The following EYS variants were observed in gnomAD, a reference collection of about 807,000 sequenced individuals.
The protein encoded by EYS is protein eyes shut homolog.
In EYS, 250 loss-of-function variants were observed where a neutral mutation model predicts 282.1. The ratio of observed to expected loss-of-function variants is 0.89; its 90% confidence interval spans 0.80 to 0.98. The LOEUF (loss-of-function observed/expected upper bound fraction) is 0.98. Among genes scored for constraint, EYS ranks in the 50% least tolerant of loss-of-function variants. The probability of loss-of-function intolerance (pLI) is 0.00; values close to 1 mark genes in which losing one functional copy is unlikely to be tolerated. For synonymous variants in EYS, 1,355 were observed against 1,282.9 expected, an observed-to-expected ratio of 1.06 and a Z score of -1.20; for missense variants, 4,016 against 3,709.0, an observed-to-expected ratio of 1.08 and a Z score of -2.15.
chr6:65,520,821 C>T (rs1462944272), intron 2 of EYS, among the ~76,000 whole-genome samples: 1 of 152,076 alleles, frequency 6.6e-6, no homozygotes, highest in Admixed American at 6.6e-5. Flanking sequence ...TTATTAACAA[C>T]ATAAATCATG....
chr6:65,244,157 C>A (rs749634839), intron 12 of EYS, among the ~76,000 whole-genome samples: 1 of 152,006 alleles, frequency 6.6e-6, no homozygotes, highest in Non-Finnish European at 1.5e-5. Flanking sequence ...TTGTTTTTGT[C>A]TTTTTAAGGA....
At chr6:65,421,237 A>G (rs1308743491) in intron 5 of EYS, among the ~76,000 whole-genome samples, 1 of 151,830 alleles carries the variant, frequency 6.6e-6, no homozygotes, top group Non-Finnish European at 1.5e-5. Flanking sequence ...ACCTTCATCA[A>G]TAATCTTAGC....
intron 2 of EYS, among the ~76,000 whole-genome samples, chr6:65,538,304 G>A (rs765509613): frequency 2.5e-4 from 38 of 152,036 alleles, no homozygotes; most frequent in Non-Finnish European, 4.6e-4. Context: ...TTGATTGTTG[G>A]ACAGTTCCAA....
intron 26 of EYS, among the ~76,000 whole-genome samples, chr6:64,447,736 G>A (rs1775164756): frequency 6.6e-6 from 1 of 152,200 alleles, no homozygotes; most frequent in Non-Finnish European, 1.5e-5. Flanking sequence ...TATATAAGTA[G>A]TGGCAGATTA....
chr6:64,888,147 A>G (rs1489354289), intron 18 of EYS, among the ~76,000 whole-genome samples: 1 of 151,990 alleles, frequency 6.6e-6, no homozygotes, highest in South Asian at 2.1e-4. Flanking sequence ...GAGAGGGGAT[A>G]GGAAAGATTG....
intron 35 of EYS, among the ~76,000 whole-genome samples, chr6:63,972,514 C>T (rs1225672736): frequency 6.6e-6 from 1 of 152,150 alleles, no homozygotes; most frequent in Non-Finnish European, 1.5e-5. Context: ...AAAATAGTTA[C>T]TAAATCATTC....
chr6:64,444,250 T>A (rs1775048846), intron 26 of EYS, among the ~76,000 whole-genome samples: 1 of 152,216 alleles, frequency 6.6e-6, no homozygotes, highest in Admixed American at 6.5e-5. Flanking sequence ...ATGGGTAAGG[T>A]CCCAGGACAC....
chr6:65,054,289 C>G (rs540752904), intron 13 of EYS, among the ~76,000 whole-genome samples: 56 of 151,934 alleles, frequency 3.7e-4, no homozygotes, highest in African/African-American at 1.3e-3. Flanking sequence ...TAGGGGTATT[C>G]CTGGTCTGTG....
At chr6:65,524,485 C>T (rs896267767) in intron 2 of EYS, among the ~76,000 whole-genome samples, 11 of 152,178 alleles carry the variant, frequency 7.2e-5, no homozygotes, top group Non-Finnish European at 4.4e-5. Context: ...GAATCATATA[C>T]ATGAAGCATA....
At chr6:65,075,670 A>G (rs1774027880) in intron 12 of EYS, among the ~76,000 whole-genome samples, 1 of 151,706 alleles carries the variant, frequency 6.6e-6, no homozygotes, top group Admixed American at 6.6e-5. Flanking sequence ...ACAGAATACT[A>G]GTTCCTGCAT....
chr6:64,101,101 G>T (rs953784468), intron 31 of EYS, among the ~76,000 whole-genome samples: 1 of 151,864 alleles, frequency 6.6e-6, no homozygotes, highest in Non-Finnish European at 1.5e-5. Context: ...TCAGTTTTTT[G>T]GCTCTTACTG....
At chr6:64,891,225 T>C (rs9354187) in intron 18 of EYS, among the ~76,000 whole-genome samples, 16,892 of 151,798 alleles carry the variant, frequency 0.11, 1,144 homozygotes, top group East Asian at 0.33. Context: ...ACAGAAAATA[T>C]TCAACTTATA....
chr6:63,767,990 G>A (rs993073164), intron 40 of EYS, among the ~76,000 whole-genome samples: 5 of 152,094 alleles, frequency 3.3e-5, no homozygotes, highest in Middle Eastern at 3.4e-3. Flanking sequence ...CTTCCTATTC[G>A]ATAAATGGTG....
At chr6:64,336,490 T>C (rs2150393749) in intron 29 of EYS, among the ~76,000 whole-genome samples, 1 of 151,952 alleles carries the variant, frequency 6.6e-6, no homozygotes, top group Non-Finnish European at 1.5e-5. Context: ...TACTAATAGG[T>C]CTAAGAAAAG....
chr6:65,162,091 T>C (rs1764863819), intron 12 of EYS, among the ~76,000 whole-genome samples: 1 of 151,284 alleles, frequency 6.6e-6, no homozygotes, highest in Non-Finnish European at 1.5e-5. Context: ...GTAGTGTGTT[T>C]TAATGGAAAG....
intron 35 of EYS, among the ~76,000 whole-genome samples, chr6:63,866,437 C>G (rs895998641): frequency 6.6e-6 from 1 of 152,102 alleles, no homozygotes; most frequent in Admixed American, 6.6e-5. Flanking sequence ...AGGAGAATGC[C>G]TCATATGTGA....
At chr6:64,365,681 A>G (rs1280798186) in intron 29 of EYS, among the ~76,000 whole-genome samples, 1 of 152,062 alleles carries the variant, frequency 6.6e-6, no homozygotes, top group African/African-American at 2.4e-5. Flanking sequence ...AACTTTTTGC[A>G]TACATATATA....
At chr6:64,648,498 G>A (rs181653043) in intron 22 of EYS, among the ~76,000 whole-genome samples, 6 of 152,224 alleles carry the variant, frequency 3.9e-5, no homozygotes, top group East Asian at 1.9e-4. Context: ...TGGAAATATG[G>A]TCTGAAACCA....
intron 35 of EYS, among the ~76,000 whole-genome samples, chr6:63,928,664 G>A (rs186514735): frequency 8.4e-4 from 127 of 151,956 alleles, no homozygotes; most frequent in African/African-American, 3.0e-3. Flanking sequence ...TCCAGTATTG[G>A]GTCAGGTAGC....
Sources: allele counts gnomAD v4.1 joint callset (sites outside exome capture counted in the v4.1 genomes callset), GRCh38; gene constraint gnomAD v4.1.1; transcripts MANE v1.5; gene names NCBI Gene and HGNC (gene_info 2026-07-23, HGNC 2026-07-21).